EFCAB6: variants seen among roughly 807,000 people sequenced by gnomAD.
EFCAB6 encodes the protein EF-hand calcium-binding domain-containing protein 6.
Under a neutral mutation model 169.8 loss-of-function variants are expected in EFCAB6, and 156 were observed. The ratio of observed to expected loss-of-function variants is 0.92; its 90% CI spans 0.81 to 1.05. The LOEUF (loss-of-function observed/expected upper bound fraction) is 1.05, where lower values mean the gene tolerates loss of function less well. EFCAB6 is among the 50% of genes least tolerant of loss of function. The pLI is 0.00. For missense variants in EFCAB6, 1,800 were observed against 1,829.1 expected (o/e 0.98, Z 0.29); for synonymous variants, 698 against 676.4 (o/e 1.03, Z -0.50).
chr22:43,687,448 T>TTTG, intron 11 of EFCAB6, 23 bp downstream of exon 11: 1 of 388,936 alleles, frequency 2.6e-6, no homozygotes, highest in Non-Finnish European at 3.3e-6. Flanking sequence ...CTAAAATTTG[T>TTTG]TTTTTTTTTT....
intron 2 of EFCAB6, among the ~76,000 whole-genome samples, chr22:43,787,433 T>A (rs2062123035): frequency 6.6e-6 from 1 of 151,754 alleles, no homozygotes; most frequent in Admixed American, 6.6e-5. Flanking sequence ...ACAAGATCAA[T>A]ATACAAAACT....
At chr22:43,774,299 C>T (rs2061568407) in intron 3 of EFCAB6, among the ~76,000 whole-genome samples, 1 of 150,944 alleles carries the variant, frequency 6.6e-6, no homozygotes, top group African/African-American at 2.4e-5. Flanking sequence ...AGGATTTCCT[C>T]AGAGCTGTAG....
At chr22:43,686,116 G>A (rs1401687517) in intron 11 of EFCAB6, among the ~76,000 whole-genome samples, 1 of 151,972 alleles carries the variant, frequency 6.6e-6, no homozygotes, top group Non-Finnish European at 1.5e-5. Flanking sequence ...CGAGTAGCTG[G>A]GATTACAGGC....
chr22:43,750,233 G>C lies in EFCAB6; in HGVS notation c.507+5533C>G, dbSNP rs5764268. Among the ~76,000 whole-genome samples the C allele has an allele frequency of 2.6e-5, 4 of 152,076 alleles. 1 individual carries two copies. The highest frequency in any genetic ancestry group is 9.7e-5 in the African/African-American group (4 of 41,398). ...ATTAATGATACAGCAACCAAAAATA[G>C]GTCCTGGGGTAGAAGTATTCTCAAT... On this transcript the variant is annotated intron_variant, in intron 6 of 31. Coordinates refer to ENST00000262726, the MANE Select transcript of EFCAB6 (RefSeq NM_022785.4).
intron 8 of EFCAB6, among the ~76,000 whole-genome samples, chr22:43,719,374 A>G (rs890027021): frequency 6.6e-6 from 1 of 152,228 alleles, no homozygotes; most frequent in African/African-American, 2.4e-5. Context: ...ACTGCAGGCG[A>G]AAGGAAATCT....
chr22:43,706,462 C>T (rs528957966), intron 10 of EFCAB6, among the ~76,000 whole-genome samples: 1 of 152,342 alleles, frequency 6.6e-6, no homozygotes, highest in South Asian at 2.1e-4. Flanking sequence ...TGGTCTCCCC[C>T]ACCAGCAGGC....
At chr22:43,612,610 G>A (rs981848279) in intron 21 of EFCAB6, among the ~76,000 whole-genome samples, 3 of 152,092 alleles carry the variant, frequency 2.0e-5, no homozygotes, top group East Asian at 1.9e-4. Context: ...CTAAAAAGTC[G>A]GCCAGGTGTG....
chr22:43,572,523 C>T lies in EFCAB6; in HGVS notation c.3420+3774G>A, dbSNP rs533606538. Among the ~76,000 whole-genome samples the T allele has an allele frequency of 4.6e-5, 7 of 152,334 alleles. No individual in the cohort carries two copies. Among genetic ancestry groups the T allele is most frequent in the South Asian group, 2.1e-4 (1 of 4,832 alleles). ...AGTCTTTACAAGGACCCCAAGCCTACGGCCGCCTGGCTCCTTCGCTCCCTG... is the reference window on the plus strand; with the variant it reads ...AGTCTTTACAAGGACCCCAAGCCTATGGCCGCCTGGCTCCTTCGCTCCCTG... On this transcript the variant is annotated intron_variant, in intron 26 of 31. Transcript: ENST00000262726. The surrounding 1 kb of genome is among the most constrained non-coding windows in gnomAD (Gnocchi z 4.0).
intron 9 of EFCAB6, among the ~76,000 whole-genome samples, chr22:43,712,727 G>A (rs1224113270): frequency 2.6e-5 from 4 of 152,068 alleles, no homozygotes; most frequent in African/African-American, 4.8e-5. Context: ...GCGGGGGCTC[G>A]GTGCAGTTAC....
chr22:43,714,981 G>A (rs777655306), intron 9 of EFCAB6, among the ~76,000 whole-genome samples: 12 of 152,176 alleles, frequency 7.9e-5, no homozygotes, highest in Non-Finnish European at 1.5e-4. Context: ...TATAAACTCA[G>A]CTAAGGACAA....
intron 20 of EFCAB6, among the ~76,000 whole-genome samples, chr22:43,619,787 C>T (rs1211264113): frequency 6.6e-6 from 1 of 151,528 alleles, no homozygotes; most frequent in African/African-American, 2.4e-5. Context: ...CATTGAGGTA[C>T]CAAAAGGAGA....
intron 26 of EFCAB6, among the ~76,000 whole-genome samples, chr22:43,569,118 C>T (rs1347081522): frequency 1.3e-5 from 2 of 152,160 alleles, no homozygotes; most frequent in African/African-American, 2.4e-5. Flanking sequence ...TACTGGGAAC[C>T]GGGGTTGGAG....
Position 43,784,539 on chromosome 22 carries a change from G to GTATATGTATATATACACATATATA in EFCAB6, c.-7-2215_-7-2214insTATATATGTGTATATATACATATA, listed in dbSNP as rs1412650507. The stretch of plus-strand genomic sequence containing the variant: ...TGTGTGTGTGTGTGTGTGTGTGTGT[G>GTATATGTATATATACACATATATA]TGTGTATATGTATATATACACATAT... On this transcript the variant is annotated intron_variant, in intron 2 of 31. Coordinates refer to ENST00000262726, the MANE Select transcript of EFCAB6 (RefSeq NM_022785.4). Among the ~76,000 whole-genome samples the GTATATGTATATATACACATATATA allele has an allele frequency of 4.3e-5, 4 of 91,956 alleles. 1 individual carries two copies. Among genetic ancestry groups the GTATATGTATATATACACATATATA allele is most frequent in the East Asian group, 1.0e-3 (2 of 1,994 alleles). The allele number at this position is 91,956 out of a possible 152,430, so 60.3% of individuals were successfully genotyped here.
At chr22:43,613,684 G>A (rs928561069) in intron 21 of EFCAB6, among the ~76,000 whole-genome samples, 1 of 152,040 alleles carries the variant, frequency 6.6e-6, no homozygotes, top group African/African-American at 2.4e-5. Context: ...CCTGGGTGAC[G>A]AAATAATCTG....
At chr22:43,726,852 C>T (rs1445650531) in intron 8 of EFCAB6, among the ~76,000 whole-genome samples, 1 of 152,192 alleles carries the variant, frequency 6.6e-6, no homozygotes, top group African/African-American at 2.4e-5. Flanking sequence ...AGTCTGAATA[C>T]AGCCAAGTAA....
intron 12 of EFCAB6, among the ~76,000 whole-genome samples, chr22:43,678,746 T>A (rs2057881948): frequency 6.6e-6 from 1 of 152,120 alleles, no homozygotes. Context: ...AGAATAAAAA[T>A]TTATCAATAA....
chr22:43,724,817 C>T (rs2059666218), intron 8 of EFCAB6, among the ~76,000 whole-genome samples: 1 of 152,194 alleles, frequency 6.6e-6, no homozygotes, highest in African/African-American at 2.4e-5. Flanking sequence ...CTTTTTCTAG[C>T]CTGCTCCTCC....
intron 6 of EFCAB6, among the ~76,000 whole-genome samples, chr22:43,745,895 C>T (rs563851687): frequency 5.3e-5 from 8 of 152,258 alleles, no homozygotes; most frequent in South Asian, 4.1e-4. Context: ...TGAACTGGAA[C>T]GAAATAAGTA....
At chr22:43,540,645 T>C in intron 27 of EFCAB6, 2 of 1,076,658 alleles carry the variant, frequency 1.9e-6, no homozygotes, top group Non-Finnish European at 2.5e-6. Flanking sequence ...AATCTTGTGA[T>C]TAGTCACAGT....
Sources: gnomAD v4.1 joint callset for allele counts (sites outside exome capture counted in the v4.1 genomes callset) on GRCh38, gnomAD v4.1.1 for gene constraint, Gnocchi (gnomAD v3.1) non-coding constraint, MANE v1.5 for transcripts, NCBI Gene and HGNC (gene_info 2026-07-23, HGNC 2026-07-21) for gene names.